The following CPEB4 variants were observed in gnomAD, a reference collection of about 807,000 sequenced individuals.
The protein encoded by CPEB4 is cytoplasmic polyadenylation element binding protein 4.
A neutral mutation model predicts 72.5 loss-of-function variants in CPEB4; 12 were observed. The ratio of observed to expected loss-of-function variants is 0.17; its 90% CI spans 0.11 to 0.27. The LOEUF (loss-of-function observed/expected upper bound fraction) is 0.27. CPEB4 is among the 10% of genes least tolerant of loss of function. CPEB4 has a pLI of 1.00. For missense variants in CPEB4, 614 were observed against 908.5 expected (o/e 0.68, Z 4.17); for synonymous variants, 302 against 326.3 (o/e 0.93, Z 0.80).
intron 1 of CPEB4, among the ~76,000 whole-genome samples, chr5:173,901,332 A>C (rs1470214338): frequency 6.6e-6 from 1 of 152,212 alleles, no homozygotes; most frequent in African/African-American, 2.4e-5. Context: ...TAATTCTATT[A>C]GGGAACATGT....
rs1755730037 is a variant in CPEB4 at position 173,889,596 on chromosome 5, T to C, written c.-138T>C. On this transcript the variant is annotated 5_prime_UTR_variant, in exon 1 of 10. Coordinates refer to ENST00000265085, the MANE Select transcript of CPEB4 (RefSeq NM_030627.4). ...ATCAGAACAATTTAAGGTGATAAGC[T>C]GCGATCTTTGAGCTAGCTATAAATA... 1.4e-6 allele frequency: 1 copy of C among 708,886 alleles called. No individual in the cohort carries two copies. The allele number at this position is 708,886 out of a possible 1,614,324, so 43.9% of individuals were successfully genotyped here.
intron 2 of CPEB4, among the ~76,000 whole-genome samples, chr5:173,929,226 T>TA (rs1757352736): frequency 6.6e-6 from 1 of 152,174 alleles, no homozygotes; most frequent in African/African-American, 2.4e-5. Context: ...CTTCAGGAGA[T>TA]ATGGGAAGAG....
chr5:173,913,092 A>G (rs1218990176), intron 2 of CPEB4, among the ~76,000 whole-genome samples: 2 of 152,170 alleles, frequency 1.3e-5, no homozygotes, highest in Non-Finnish European at 2.9e-5. Flanking sequence ...CACAGAAAAT[A>G]TAGGTTACAA....
intron 2 of CPEB4, among the ~76,000 whole-genome samples, chr5:173,914,823 A>G (rs1256790834): frequency 6.6e-6 from 1 of 151,832 alleles, no homozygotes. Context: ...TACCACTCAG[A>G]AAAAAAAATT....
At position 173,890,335 on chromosome 5, in the gene CPEB4, A is replaced by T. The variant is rs750679041; in HGVS notation, c.602A>T (p.Asn201Ile). ...GGAGGGGTCCCTGCTGCTTCGGCTA[A>T]TAACGGTGCTCTGTTGTTTCAAAAT... is the stretch of plus-strand genomic sequence containing the variant. ...HQGGVPAASA[N>I]NGALLFQNFP... Residue 201 changes from asparagine to isoleucine, a missense_variant, in exon 1 of 10, where the codon AAT (asparagine) becomes ATT (isoleucine). Asn to Ile is a moderately radical substitution (Grantham distance 149, BLOSUM62 -3). This residue lies in a region of CPEB4 where 458 missense variants were observed against 548.6 expected (regional missense o/e 0.83). Transcript: ENST00000265085. 4.3e-6 allele frequency: 7 copies of T among 1,614,186 alleles called. No homozygotes were observed. The highest frequency in any genetic ancestry group is 5.9e-6 in the Non-Finnish European group (7 of 1,180,028).
intron 3 of CPEB4, among the ~76,000 whole-genome samples, 199 bp from the exon 4 acceptor site, chr5:173,942,827 A>G (rs1757893681): frequency 6.6e-6 from 1 of 152,208 alleles, no homozygotes; most frequent in Non-Finnish European, 1.5e-5. Flanking sequence ...GTGTCCTTGA[A>G]GAAATTTTAA....
Position 173,949,982 on chromosome 5 carries a change from A to G in CPEB4, c.1569A>G (p.Gln523=), listed in dbSNP as rs767843757. The stretch of plus-strand genomic sequence containing the variant: ...CAGGCTATGCATTCCTGCTGTTTCA[A>G]GATGAAAGCTCTGTGCAGGCTCTCA... ...PPKGYAFLLF[Q]DESSVQALID... Residue 523 remains glutamine (Q), a synonymous_variant, in exon 7 of 10, where the codon CAA becomes CAG. Transcript: ENST00000265085. The G allele has an allele frequency of 1.9e-6, 3 of 1,609,290 alleles. No homozygotes were observed. Among genetic ancestry groups the G allele is most frequent in the South Asian group, 2.2e-5 (2 of 89,936 alleles).
rs1454305355 is a variant in CPEB4, at chr5:173,955,679, T to A, written c.1963-231T>A. On this transcript the variant is annotated intron_variant, in intron 9 of 9. Coordinates refer to ENST00000265085, the MANE Select transcript of CPEB4 (RefSeq NM_030627.4). The surrounding 1 kb of genome is among the most constrained non-coding windows in gnomAD (Gnocchi z 4.7). Reference sequence around the variant, plus strand: ...TCATGATGTCTGCTCAAATCCTTTTTCCTTTAAAGGATGTTTATTTAATAA... The same window carrying A: ...TCATGATGTCTGCTCAAATCCTTTTACCTTTAAAGGATGTTTATTTAATAA... Among the ~76,000 whole-genome samples the A allele has an allele frequency of 6.6e-6, 1 of 152,208 alleles. No homozygotes were observed. Among genetic ancestry groups the A allele is most frequent in the African/African-American group, 2.4e-5 (1 of 41,444 alleles).
chr5:173,930,715 G>A (rs756361267), intron 2 of CPEB4, among the ~76,000 whole-genome samples: 21 of 152,152 alleles, frequency 1.4e-4, no homozygotes, highest in East Asian at 9.7e-4. Flanking sequence ...GCAGCCGGGC[G>A]CAGTGGCTCA....
intron 9 of CPEB4, among the ~76,000 whole-genome samples, chr5:173,954,927 T>C (rs1370359661): frequency 6.6e-6 from 1 of 152,188 alleles, no homozygotes; most frequent in Non-Finnish European, 1.5e-5. Context: ...TTTGTACTTT[T>C]ATTTTTTTAG....
chr5:173,954,195 AATC>A (rs1199322922), intron 9 of CPEB4, among the ~76,000 whole-genome samples: 3 of 152,218 alleles, frequency 2.0e-5, no homozygotes, highest in African/African-American at 4.8e-5. Context: ...AAGATGTAAA[AATC>A]ATCAAGTCAG....
chr5:173,890,785 C>A lies in CPEB4; in HGVS notation c.1052C>A (p.Pro351His). The change falls in exon 1 of 10, where the codon CCC (proline) becomes CAC (histidine). Residue 351 changes from proline (P) to histidine (H), a missense_variant. Around this residue, in one of 5 missense-constraint regions of CPEB4, gnomAD observed 458 missense variants for 548.6 expected, o/e 0.83. Transcript: ENST00000265085. ...NHIQLQKYAR[P>H]SSAFAPKSWM... Reference sequence around the variant, plus strand: ...ATTCAGCTCCAGAAGTATGCTCGCCCCAGCTCTGCCTTTGCACCTAAATCC... The same window carrying A: ...ATTCAGCTCCAGAAGTATGCTCGCCACAGCTCTGCCTTTGCACCTAAATCC... The A allele has an allele frequency of 6.2e-7, 1 of 1,614,204 alleles. No homozygotes were observed. Among genetic ancestry groups the A allele is most frequent in the South Asian group, 1.1e-5 (1 of 91,084 alleles).
rs1758520611 is a variant in CPEB4, at chr5:173,960,656, C to G, written c.*4519C>G. On this transcript the variant is annotated 3_prime_UTR_variant, in exon 10 of 10. Transcript: ENST00000265085. ...AAATGCCCAACAAAAGTGAAAAACC[C>G]AATGTTTAGTTAATAATGAAAGTCC... The G allele has an allele frequency of 6.6e-6, 1 of 152,142 alleles. No individual in the cohort carries two copies. The highest frequency in any genetic ancestry group is 6.5e-5 in the Admixed American group (1 of 15,272). The allele number at this position is 152,142 out of a possible 1,614,324, so 9.4% of individuals were successfully genotyped here.
At chr5:173,949,155 T>C (rs1268786843) in intron 5 of CPEB4, among the ~76,000 whole-genome samples, 1 of 152,158 alleles carries the variant, frequency 6.6e-6, no homozygotes. Context: ...AATCGCATAG[T>C]AGTGTTATAT....
At chr5:173,954,187 G>A (rs1219289430) in intron 9 of CPEB4, among the ~76,000 whole-genome samples, 2 of 152,162 alleles carry the variant, frequency 1.3e-5, no homozygotes, top group African/African-American at 4.8e-5. Flanking sequence ...CTCAATTCAA[G>A]ATGTAAAAAT....
At chr5:173,911,081 T>TG (rs1756639645) in intron 2 of CPEB4, among the ~76,000 whole-genome samples, 1 of 150,038 alleles carries the variant, frequency 6.7e-6, no homozygotes, top group Admixed American at 6.6e-5. Flanking sequence ...TGTATTATGT[T>TG]AAAAAAAAAT....
At chr5:173,922,195 C>T (rs562424398) in intron 2 of CPEB4, among the ~76,000 whole-genome samples, 41 of 152,242 alleles carry the variant, frequency 2.7e-4, no homozygotes, top group African/African-American at 8.2e-4. Flanking sequence ...TATGCTTTGA[C>T]AGAGGGTAGG....
At chr5:173,918,393 A>C (rs1343530724) in intron 2 of CPEB4, 2 of 152,156 alleles carry the variant, frequency 1.3e-5, no homozygotes, top group Non-Finnish European at 2.9e-5. Context: ...TGGATTCCTC[A>C]CTGTACTGTG....
At chr5:173,933,655 T>TAC (rs1279157406) in intron 3 of CPEB4, among the ~76,000 whole-genome samples, 1 of 152,198 alleles carries the variant, frequency 6.6e-6, no homozygotes, top group Non-Finnish European at 1.5e-5. Context: ...GATATATATA[T>TAC]ACATGCAGAA....
Sources: allele counts gnomAD v4.1 joint callset (sites outside exome capture counted in the v4.1 genomes callset), GRCh38; gene constraint gnomAD v4.1.1; regional missense constraint gnomAD v4.1.1; non-coding constraint Gnocchi (gnomAD v3.1); transcripts MANE v1.5; gene names NCBI Gene and HGNC (gene_info 2026-07-23, HGNC 2026-07-21).